Variants in ERP44 observed in about 807,000 individuals in gnomAD.
The protein encoded by ERP44 is endoplasmic reticulum resident protein 44.
A neutral mutation model predicts 53.4 loss-of-function variants in ERP44; 25 were observed. That is an observed-to-expected ratio of 0.47 (90% CI 0.34 to 0.65). ERP44 has a LOEUF of 0.65. Among genes scored for constraint, ERP44 ranks in the 30% least tolerant of loss-of-function variants. The pLI, the probability that ERP44 is intolerant of heterozygous loss-of-function variation, is 0.01. For missense variants in ERP44, 338 were observed against 493.2 expected (o/e 0.69, Z 2.98); for synonymous variants, 145 against 161.2 (o/e 0.90, Z 0.76).
intron 11 of ERP44, among the ~76,000 whole-genome samples, chr9:99,984,125 A>C (rs1669129188): frequency 6.6e-6 from 1 of 152,228 alleles, no homozygotes; most frequent in African/African-American, 2.4e-5. Context: ...GGATTCCTAT[A>C]GGGAATTCTT....
At chr9:100,037,262 G>C (rs1319912715) in intron 4 of ERP44, among the ~76,000 whole-genome samples, 1 of 152,172 alleles carries the variant, frequency 6.6e-6, no homozygotes, top group Admixed American at 6.5e-5. Flanking sequence ...GAACTCAGCT[G>C]ACGCCCACAC....
intron 1 of ERP44, among the ~76,000 whole-genome samples, chr9:100,082,153 A>G (rs909062100): frequency 5.3e-5 from 8 of 152,136 alleles, no homozygotes; most frequent in African/African-American, 2.4e-5. Context: ...AGGACACTTG[A>G]GCTTGTAGAA....
At chr9:100,089,817 G>GTATC (rs1286823735) in intron 1 of ERP44, among the ~76,000 whole-genome samples, 2 of 152,012 alleles carry the variant, frequency 1.3e-5, no homozygotes, top group Non-Finnish European at 2.9e-5. Context: ...CTTTATCATA[G>GTATC]GTATGTATGT....
At chr9:100,048,803 T>C (rs956976203) in intron 4 of ERP44, among the ~76,000 whole-genome samples, 5 of 152,122 alleles carry the variant, frequency 3.3e-5, no homozygotes, top group African/African-American at 1.2e-4. Context: ...TTATGTGGAG[T>C]ACCCAGAGTA....
At chr9:100,066,286 A>G (rs1826208938) in intron 1 of ERP44, among the ~76,000 whole-genome samples, 1 of 152,254 alleles carries the variant, frequency 6.6e-6, no homozygotes, top group Admixed American at 6.5e-5. Context: ...AGAAAAATGT[A>G]GAATGAATCT....
intron 4 of ERP44, among the ~76,000 whole-genome samples, chr9:100,036,480 C>T (rs1329112129): frequency 6.6e-6 from 1 of 152,118 alleles, no homozygotes; most frequent in African/African-American, 2.4e-5. Context: ...ACAATAGACA[C>T]TGTGGACTAC....
intron 3 of ERP44, among the ~76,000 whole-genome samples, chr9:100,055,724 A>AAT (rs1488955655): frequency 6.6e-6 from 1 of 152,104 alleles, no homozygotes. Flanking sequence ...GTGCCCCATA[A>AAT]ATATATATAC....
intron 1 of ERP44, among the ~76,000 whole-genome samples, chr9:100,094,126 T>C (rs947845681): frequency 1.3e-5 from 2 of 152,140 alleles, no homozygotes; most frequent in African/African-American, 2.4e-5. Context: ...GTAACAACAG[T>C]GAACTGGTAT....
chr9:100,067,790 G>A (rs868333942), intron 1 of ERP44, among the ~76,000 whole-genome samples: 6 of 151,584 alleles, frequency 4.0e-5, no homozygotes, highest in East Asian at 2.0e-4. Flanking sequence ...AGTGAGGAGC[G>A]TCTCTGCCCA....
At chr9:100,089,818 G>A (rs1489428072) in intron 1 of ERP44, among the ~76,000 whole-genome samples, 3 of 151,988 alleles carry the variant, frequency 2.0e-5, no homozygotes, top group Non-Finnish European at 4.4e-5. Context: ...TTTATCATAG[G>A]TATGTATGTA....
At chr9:99,982,943 G>A (rs1022299003) in intron 11 of ERP44, among the ~76,000 whole-genome samples, 1 of 152,104 alleles carries the variant, frequency 6.6e-6, no homozygotes, top group Non-Finnish European at 1.5e-5. Flanking sequence ...CATTAACTGT[G>A]GGCTTGTTTT....
intron 1 of ERP44, among the ~76,000 whole-genome samples, chr9:100,075,423 G>T (rs1475763809): frequency 6.6e-6 from 1 of 152,174 alleles, no homozygotes; most frequent in African/African-American, 2.4e-5. Context: ...TCCTACCTTG[G>T]GGGGATATCA....
At chr9:99,996,158 T>C (rs1276010904) in intron 10 of ERP44, among the ~76,000 whole-genome samples, 1 of 152,158 alleles carries the variant, frequency 6.6e-6, no homozygotes, top group African/African-American at 2.4e-5. Flanking sequence ...AGGTGGTGCC[T>C]AATGAGAGGT....
intron 4 of ERP44, among the ~76,000 whole-genome samples, chr9:100,024,596 G>A (rs1175995865): frequency 6.6e-6 from 1 of 151,290 alleles, no homozygotes; most frequent in Non-Finnish European, 1.5e-5. Flanking sequence ...TGGAACCATG[G>A]AAATGTTTAA....
intron 10 of ERP44, among the ~76,000 whole-genome samples, chr9:100,000,244 CT>C (rs1830362265): frequency 6.6e-6 from 1 of 151,732 alleles, no homozygotes; most frequent in East Asian, 1.9e-4. Flanking sequence ...TGAAACCAGC[CT>C]GGAAAACAGC....
At chr9:100,068,413 G>C (rs1365779320) in intron 1 of ERP44, among the ~76,000 whole-genome samples, 10 of 37,384 alleles carry the variant, frequency 2.7e-4, no homozygotes, top group Non-Finnish European at 4.6e-4. Context: ...GCCAGCCGCC[G>C]GGCCAGCCGC....
intron 4 of ERP44, among the ~76,000 whole-genome samples, chr9:100,044,309 C>G (rs1362605296): frequency 6.6e-6 from 1 of 152,088 alleles, no homozygotes; most frequent in African/African-American, 2.4e-5. Flanking sequence ...AACATAAGGT[C>G]TCTACTCTCA....
At chr9:99,989,026 G>A (rs993645250) in intron 10 of ERP44, among the ~76,000 whole-genome samples, 11 of 152,322 alleles carry the variant, frequency 7.2e-5, no homozygotes, top group South Asian at 4.1e-4. Context: ...TAAACAAAGC[G>A]GCCAGGAATC....
chr9:100,076,266 T>G (rs1340087567), intron 1 of ERP44, among the ~76,000 whole-genome samples: 1 of 152,032 alleles, frequency 6.6e-6, no homozygotes, highest in Non-Finnish European at 1.5e-5. Context: ...ACATACACGA[T>G]CGGGCTCAAG....
Sources: gnomAD v4.1 joint callset for allele counts (sites outside exome capture counted in the v4.1 genomes callset) on GRCh38, gnomAD v4.1.1 for gene constraint, MANE v1.5 for transcripts, NCBI Gene and HGNC (gene_info 2026-07-23, HGNC 2026-07-21) for gene names.